DPY19L4: variants seen among roughly 807,000 people sequenced by gnomAD.
DPY19L4 encodes the protein probable C-mannosyltransferase DPY19L4.
Under a neutral mutation model 102.8 loss-of-function variants are expected in DPY19L4, and 97 were observed. That is an observed-to-expected ratio of 0.94 (90% CI 0.80 to 1.12). The LOEUF (loss-of-function observed/expected upper bound fraction) is 1.12, where lower values mean the gene tolerates loss of function less well. Among genes scored for constraint, DPY19L4 ranks in the 50% most tolerant of loss-of-function variants. The pLI is 0.00. For missense variants in DPY19L4, 815 were observed against 850.4 expected (o/e 0.96, Z 0.52); for synonymous variants, 252 against 283.1 (o/e 0.89, Z 1.10).
intron 6 of DPY19L4, among the ~76,000 whole-genome samples, chr8:94,743,153 G>C (rs1048054942): frequency 1.3e-5 from 2 of 151,994 alleles, no homozygotes; most frequent in African/African-American, 4.8e-5. Context: ...TCAGCCTCCT[G>C]AGTAGCTGGG....
At chr8:94,773,123 A>C (rs1023350191) in intron 13 of DPY19L4, among the ~76,000 whole-genome samples, 8 of 151,118 alleles carry the variant, frequency 5.3e-5, no homozygotes, top group Non-Finnish European at 1.2e-4. Context: ...CTAAGGCAGG[A>C]GAATCGCTTG....
chr8:94,781,218 A>C, intron 16 of DPY19L4, 52 bp downstream of exon 16: 1 of 1,317,236 alleles, frequency 7.6e-7, no homozygotes, highest in Non-Finnish European at 1.0e-6. Context: ...TAATCACTGC[A>C]TGCTATCTAA....
chr8:94,747,628 G>A (rs1271964252), intron 6 of DPY19L4, among the ~76,000 whole-genome samples: 1 of 145,880 alleles, frequency 6.9e-6, no homozygotes, highest in Non-Finnish European at 1.5e-5. Context: ...GCACGATCTC[G>A]GCTCACTGCA....
chr8:94,792,066 C>T lies in DPY19L4; in HGVS notation c.*2156C>T, dbSNP rs1342745045. The T allele has an allele frequency of 6.6e-6, 1 of 152,000 alleles. No individual in the cohort carries two copies. Among genetic ancestry groups the T allele is most frequent in the Non-Finnish European group, 1.5e-5 (1 of 67,994 alleles). 9.4% of individuals were successfully genotyped at this position (152,000 alleles called of 1,614,324 possible). Reference sequence around the variant, plus strand: ...TGATTCACAATTCTACAAGTAATTCCACTTAGGTAACTTACAGTTGTTAGG... The same window carrying T: ...TGATTCACAATTCTACAAGTAATTCTACTTAGGTAACTTACAGTTGTTAGG... On this transcript the variant is annotated 3_prime_UTR_variant, in exon 19 of 19. Coordinates refer to ENST00000414645, the MANE Select transcript of DPY19L4 (RefSeq NM_181787.3).
At chr8:94,776,300 T>C (rs1001683886) in intron 13 of DPY19L4, among the ~76,000 whole-genome samples, 1 of 152,002 alleles carries the variant, frequency 6.6e-6, no homozygotes, top group African/African-American at 2.4e-5. Flanking sequence ...CTTAATTTGC[T>C]GGGATTACAG....
intron 2 of DPY19L4, among the ~76,000 whole-genome samples, chr8:94,727,438 T>G (rs139835610): frequency 0.017 from 2,583 of 152,316 alleles, 71 homozygotes; most frequent in African/African-American, 0.058. Flanking sequence ...TTCACCATGT[T>G]GGCCAGTCTG....
chr8:94,757,445 T>C (rs1325463701), intron 7 of DPY19L4, among the ~76,000 whole-genome samples: 1 of 152,186 alleles, frequency 6.6e-6, no homozygotes, highest in Non-Finnish European at 1.5e-5. Context: ...TCTTGCTATC[T>C]GTTGCCCAGG....
intron 8 of DPY19L4, among the ~76,000 whole-genome samples, chr8:94,763,664 G>T (rs974581596): frequency 2.6e-5 from 4 of 151,838 alleles, no homozygotes; most frequent in African/African-American, 9.7e-5. Context: ...GGGATTACAG[G>T]CATGCCCCAC....
At chr8:94,769,125 G>A (rs1160312021) in intron 12 of DPY19L4, among the ~76,000 whole-genome samples, 1 of 140,362 alleles carries the variant, frequency 7.1e-6, no homozygotes, top group Non-Finnish European at 1.5e-5. Context: ...GCAGTGGCAC[G>A]ATCTCGGCTC....
chr8:94,768,774 G>A (rs903208285), intron 12 of DPY19L4, among the ~76,000 whole-genome samples: 6 of 151,876 alleles, frequency 4.0e-5, no homozygotes, highest in Non-Finnish European at 5.9e-5. Context: ...CGGGCAGATC[G>A]CAAGGTTGGG....
chr8:94,721,863 C>G (rs1252273418), intron 1 of DPY19L4, among the ~76,000 whole-genome samples: 1 of 152,192 alleles, frequency 6.6e-6, no homozygotes. Flanking sequence ...AGTCCCAGCA[C>G]TTTGGGAGGC....
chr8:94,766,748 T>C, intron 11 of DPY19L4, 63 bp downstream of exon 11: 1 of 1,464,456 alleles, frequency 6.8e-7, no homozygotes. Context: ...AGATAAAAAA[T>C]ACTCGATGGC....
chr8:94,751,646 C>T (rs4236829), intron 6 of DPY19L4, among the ~76,000 whole-genome samples: 15,772 of 151,908 alleles, frequency 0.1, 917 homozygotes, highest in Non-Finnish European at 0.13. Flanking sequence ...CGCACCACCA[C>T]GGCCAGCTGA....
chr8:94,739,322 G>C, intron 4 of DPY19L4, 91 bp from the exon 5 acceptor site: 1 of 1,402,822 alleles, frequency 7.1e-7, no homozygotes, highest in Non-Finnish European at 9.4e-7. Context: ...GATCTTTCTT[G>C]ATAACAATAT....
intron 17 of DPY19L4, among the ~76,000 whole-genome samples, chr8:94,786,670 C>G (rs1813667863): frequency 6.6e-6 from 1 of 152,002 alleles, no homozygotes; most frequent in Non-Finnish European, 1.5e-5. Flanking sequence ...GCCTCAGACT[C>G]CCGAGTAGCT....
chr8:94,773,687 C>G (rs1411613535), intron 13 of DPY19L4, among the ~76,000 whole-genome samples: 1 of 151,932 alleles, frequency 6.6e-6, no homozygotes, highest in African/African-American at 2.4e-5. Flanking sequence ...GACTCAGCCT[C>G]CCAAAGTGCT....
intron 6 of DPY19L4, among the ~76,000 whole-genome samples, chr8:94,754,988 A>G (rs761529834): frequency 1.3e-5 from 2 of 152,076 alleles, no homozygotes; most frequent in South Asian, 2.1e-4. Context: ...GGGTTTCACC[A>G]TGTTGGCCAG....
At chr8:94,736,619 A>G (rs914019175) in intron 3 of DPY19L4, among the ~76,000 whole-genome samples, 1 of 152,192 alleles carries the variant, frequency 6.6e-6, no homozygotes, top group African/African-American at 2.4e-5. Context: ...TAAAATTTTG[A>G]TTCAGTCTAA....
chr8:94,737,375 C>T (rs1419186293), intron 3 of DPY19L4, among the ~76,000 whole-genome samples: 1 of 152,006 alleles, frequency 6.6e-6, no homozygotes, highest in African/African-American at 2.4e-5. Flanking sequence ...AGGGTTTCAC[C>T]ATGTTGGCCA....
Sources: gnomAD v4.1 joint callset for allele counts (sites outside exome capture counted in the v4.1 genomes callset) on GRCh38, gnomAD v4.1.1 for gene constraint, MANE v1.5 for transcripts, NCBI Gene and HGNC (gene_info 2026-07-23, HGNC 2026-07-21) for gene names.